Variants in ADRA1A observed in about 807,000 individuals in gnomAD.
ADRA1A encodes adrenoceptor alpha 1A, also known as alpha-1A adrenergic receptor.
A neutral mutation model predicts 29.6 loss-of-function variants in ADRA1A; 31 were observed. The observed-to-expected ratio is 1.05, with a 90% CI of 0.79 to 1.41. The LOEUF (loss-of-function observed/expected upper bound fraction) is 1.41, where lower values mean the gene tolerates loss of function less well. Ranked by LOEUF, ADRA1A falls within the 40% of genes most tolerant of loss-of-function variation. The pLI is 0.00. For synonymous variants in ADRA1A, 311 were observed against 254.3 expected (o/e 1.22, Z -2.12); for missense variants, 619 against 601.1 (o/e 1.03, Z -0.31).
chr8:26,749,205 A>G (rs1466200596), intron 2 of ADRA1A, among the ~76,000 whole-genome samples: 2 of 152,220 alleles, frequency 1.3e-5, no homozygotes, highest in African/African-American at 4.8e-5. Flanking sequence ...ATAACTTTCC[A>G]AAGGACAGGA....
At chr8:26,837,438 GCCAGGAGTTTGAGA>G (rs1350834118) in intron 2 of ADRA1A, among the ~76,000 whole-genome samples, 1 of 152,052 alleles carries the variant, frequency 6.6e-6, no homozygotes, top group Non-Finnish European at 1.5e-5. Flanking sequence ...ATCACTTGAG[GCCAGGAGTTTGAGA>G]CCAGCCCAGC....
chr8:26,765,590 G>A (rs1585639349), downstream of ADRA1A, among the ~76,000 whole-genome samples: 1 of 152,172 alleles, frequency 6.6e-6, no homozygotes, highest in African/African-American at 2.4e-5. Flanking sequence ...TCCTAGTAGT[G>A]TAAAAAAATC....
At chr8:26,755,375 T>A (rs1805113679), downstream of ADRA1A, among the ~76,000 whole-genome samples, 1 of 152,114 alleles carries the variant, frequency 6.6e-6, no homozygotes, top group South Asian at 2.1e-4. Context: ...GTGAGTTCTT[T>A]CTTGGCTTAA....
In ADRA1A at chr8:26,864,051, C is replaced by T. The variant is rs188426743; in HGVS notation, c.883+36G>A. On this transcript the variant is annotated intron_variant, in intron 2 of 2. Coordinates refer to ENST00000380573, the MANE Select transcript of ADRA1A (RefSeq NM_000680.4). This position sits in a 1 kb window ranked among gnomAD's most constrained non-coding sequence, Gnocchi z 8.1. ...AACAGAAGCCGAGGAGGGTGAAGACCCCCAGATGCTAAAGTGAGGGGTGTT... is the reference window on the plus strand; with the variant it reads ...AACAGAAGCCGAGGAGGGTGAAGACTCCCAGATGCTAAAGTGAGGGGTGTT... 3 of 1,579,118 alleles carry T rather than the reference C, an allele frequency of 1.9e-6. No homozygotes were observed. Among genetic ancestry groups the T allele is most frequent in the Non-Finnish European group, 8.6e-7 (1 of 1,163,732 alleles).
At position 26,860,235 on chromosome 8, in the gene ADRA1A, C is replaced by T. The variant is rs1337172271; in HGVS notation, c.883+3852G>A. 6.6e-6 allele frequency among the ~76,000 whole-genome samples: 1 copy of T among 152,110 alleles called. No homozygotes were observed. Among genetic ancestry groups the T allele is most frequent in the African/African-American group, 2.4e-5 (1 of 41,406 alleles). On this transcript the variant is annotated intron_variant, in intron 2 of 2. Transcript: ENST00000380573. The surrounding 1 kb of genome is among the most constrained non-coding windows in gnomAD (Gnocchi z 4.7). Reference sequence around the variant, plus strand: ...CACCTCCCCTAGATGACTCCAGGACCCAGGCCATTGTTTCTCATCTCTATG... The same window carrying T: ...CACCTCCCCTAGATGACTCCAGGACTCAGGCCATTGTTTCTCATCTCTATG...
intron 2 of ADRA1A, among the ~76,000 whole-genome samples, chr8:26,792,481 T>C (rs1206864203): frequency 6.6e-6 from 1 of 151,758 alleles, no homozygotes; most frequent in Non-Finnish European, 1.5e-5. Context: ...TCATCACCAA[T>C]TCTGGATAAA....
intron 2 of ADRA1A, among the ~76,000 whole-genome samples, chr8:26,853,309 C>T (rs962684871): frequency 1.3e-5 from 2 of 152,114 alleles, no homozygotes; most frequent in African/African-American, 4.8e-5. Context: ...GAGATGTTAG[C>T]AGATGTGCTT....
chr8:26,784,090 A>G (rs892411566), intron 2 of ADRA1A, among the ~76,000 whole-genome samples: 12 of 152,222 alleles, frequency 7.9e-5, no homozygotes, highest in Admixed American at 3.9e-4. Context: ...TACTTAAGTG[A>G]TGGGTTGATC....
At position 26,805,684 on chromosome 8, in the gene ADRA1A, G is replaced by A. The variant is rs1416646626; in HGVS notation, c.884-35018C>T. On this transcript the variant is annotated intron_variant, in intron 2 of 2. Transcript: ENST00000380573. This position sits in a 1 kb window ranked among gnomAD's most constrained non-coding sequence, Gnocchi z 4.8. ...GGTACCCCAGCTCCAGAGCTGGTGGGTAATAATTACTTGCTATGAAAAGTA... is the reference window on the plus strand; with the variant it reads ...GGTACCCCAGCTCCAGAGCTGGTGGATAATAATTACTTGCTATGAAAAGTA... 6.6e-6 allele frequency among the ~76,000 whole-genome samples: 1 copy of A among 152,186 alleles called. No individual in the cohort carries two copies. The highest frequency in any genetic ancestry group is 1.5e-5 in the Non-Finnish European group (1 of 68,032).
At chr8:26,768,753 C>T (rs1201019197), downstream of ADRA1A, 2 of 352,646 alleles carry the variant, frequency 5.7e-6, no homozygotes, top group East Asian at 3.3e-4. Context: ...TTGAAAAAAT[C>T]TGTAATCTGA....
downstream of ADRA1A, among the ~76,000 whole-genome samples, chr8:26,752,175 C>T (rs1442010103): frequency 6.6e-6 from 1 of 152,028 alleles, no homozygotes; most frequent in South Asian, 2.1e-4. Flanking sequence ...GGTAAAGATG[C>T]ATGTTTTCAG....
intron 2 of ADRA1A, among the ~76,000 whole-genome samples, chr8:26,820,898 T>C (rs983993058): frequency 3.9e-5 from 6 of 151,950 alleles, no homozygotes; most frequent in Non-Finnish European, 7.4e-5. Context: ...TTGTTGTTGT[T>C]GTTGTTGTTG....
intron 2 of ADRA1A, among the ~76,000 whole-genome samples, chr8:26,750,186 G>A (rs977307773): frequency 2.0e-5 from 3 of 152,090 alleles, no homozygotes; most frequent in African/African-American, 7.2e-5. Flanking sequence ...CAAGGAAGCT[G>A]TCTGGGCTGG....
At chr8:26,834,429 C>A (rs1811201683) in intron 2 of ADRA1A, among the ~76,000 whole-genome samples, 1 of 152,158 alleles carries the variant, frequency 6.6e-6, no homozygotes, top group African/African-American at 2.4e-5. Context: ...GGGAGCTTTT[C>A]CTATTTGATA....
chr8:26,793,168 T>A (rs1349953733), intron 2 of ADRA1A, among the ~76,000 whole-genome samples: 1 of 152,008 alleles, frequency 6.6e-6, no homozygotes, highest in Non-Finnish European at 1.5e-5. Context: ...CCATATTTAT[T>A]AAATTTTATG....
chr8:26,758,744 C>T lies in ADRA1A; in HGVS notation c.1270-1965G>A, dbSNP rs7843421. Among the ~76,000 whole-genome samples, 365 of 152,288 alleles carry T rather than the reference C, an allele frequency of 2.4e-3. 1 individual carries two copies. Among genetic ancestry groups the T allele is most frequent in the African/African-American group, 8.2e-3 (340 of 41,552 alleles). Reference sequence around the variant, plus strand: ...CATTGGGGTGGAGTTGGGAAGGTCACGTTTAGCAAGCTAAGAGGTGAGCAC... The same window carrying T: ...CATTGGGGTGGAGTTGGGAAGGTCATGTTTAGCAAGCTAAGAGGTGAGCAC... On this transcript the variant is annotated intron_variant, in intron 2 of 2. Transcript: ENST00000380582.
At chr8:26,808,626 T>C (rs375082033) in intron 2 of ADRA1A, among the ~76,000 whole-genome samples, 1 of 152,146 alleles carries the variant, frequency 6.6e-6, no homozygotes, top group African/African-American at 2.4e-5. Flanking sequence ...TTGACCTCAT[T>C]TTCTCCTCCT....
chr8:26,754,973 T>A (rs1457951577), downstream of ADRA1A, among the ~76,000 whole-genome samples: 1 of 152,240 alleles, frequency 6.6e-6, no homozygotes, highest in Non-Finnish European at 1.5e-5. Context: ...TTCTGTTTTT[T>A]CTTTTTGTTG....
Position 26,815,276 on chromosome 8 carries a change from T to C in ADRA1A, c.884-44610A>G, listed in dbSNP as rs1281049837. 3.3e-5 allele frequency among the ~76,000 whole-genome samples: 5 copies of C among 152,212 alleles called. No homozygotes were observed. The highest frequency in any genetic ancestry group is 7.4e-5 in the Non-Finnish European group (5 of 68,022). On this transcript the variant is annotated intron_variant, in intron 2 of 2. Coordinates refer to ENST00000380573, the MANE Select transcript of ADRA1A (RefSeq NM_000680.4). The surrounding 1 kb of genome is among the most constrained non-coding windows in gnomAD (Gnocchi z 4.2). The stretch of plus-strand genomic sequence containing the variant: ...TAGGGCATTCTAGAATACTGAAAAC[T>C]ATTTTGCCAGAGAACACCTAGACAG...
Sources: gnomAD v4.1 joint callset for allele counts (sites outside exome capture counted in the v4.1 genomes callset) on GRCh38, gnomAD v4.1.1 for gene constraint, Gnocchi (gnomAD v3.1) non-coding constraint, MANE v1.5 for transcripts, NCBI Gene and HGNC (gene_info 2026-07-23, HGNC 2026-07-21) for gene names.